The following TENM2 variants were observed in gnomAD, a reference collection of about 807,000 sequenced individuals.
TENM2 encodes teneurin-2.
In TENM2, 52 loss-of-function variants were observed where a neutral mutation model predicts 245.2. The ratio of observed to expected loss-of-function variants is 0.21; its 90% confidence interval spans 0.17 to 0.27. TENM2 has a LOEUF of 0.27. Among genes scored for constraint, TENM2 ranks in the 10% least tolerant of loss-of-function variants. The pLI, the probability that TENM2 is intolerant of heterozygous loss-of-function variation, is 1.00. For missense variants in TENM2, 3,046 were observed against 3,666.8 expected (o/e 0.83, Z 4.37); for synonymous variants, 1,363 against 1,438.9 (o/e 0.95, Z 1.19).
the TENM2 span, among the ~76,000 whole-genome samples, chr5:167,221,783 T>C: frequency 6.6e-6 from 1 of 152,214 alleles, no homozygotes; most frequent in Non-Finnish European, 1.5e-5. Context: ...AATCTTCTGC[T>C]TTATAACTTA....
the TENM2 span, among the ~76,000 whole-genome samples, chr5:167,162,360 G>T: frequency 1.3e-5 from 2 of 152,108 alleles, no homozygotes; most frequent in African/African-American, 4.8e-5. Context: ...GGGCATGGTG[G>T]CTCAGGCCTG....
intron 2 of TENM2, among the ~76,000 whole-genome samples, chr5:167,437,357 T>C (rs1239624348): frequency 1.3e-5 from 2 of 152,186 alleles, no homozygotes; most frequent in African/African-American, 2.4e-5. Context: ...ATGTCTTCCA[T>C]TTGGAATGGC....
chr5:167,732,197 A>G (rs771255742), intron 2 of TENM2, among the ~76,000 whole-genome samples: 1 of 152,172 alleles, frequency 6.6e-6, no homozygotes, highest in African/African-American at 2.4e-5. Flanking sequence ...TTTCCATCCA[A>G]TGGTCATTAC....
the TENM2 span, among the ~76,000 whole-genome samples, chr5:167,242,049 T>G: frequency 1.3e-5 from 2 of 149,372 alleles, no homozygotes; most frequent in African/African-American, 2.5e-5. Context: ...GTTTTTTGTT[T>G]TTTTTTTTTT....
At chr5:167,373,182 G>GAAC (rs1760542929) in intron 1 of TENM2, among the ~76,000 whole-genome samples, 1 of 152,184 alleles carries the variant, frequency 6.6e-6, no homozygotes, top group African/African-American at 2.4e-5. Context: ...AACCAAATTA[G>GAAC]GCTGGGAAAG....
At chr5:168,118,517 A>G (rs1795252319) in intron 10 of TENM2, 31 bp downstream of exon 12, 1 of 1,471,066 alleles carries the variant, frequency 6.8e-7, no homozygotes, top group Admixed American at 2.0e-5. Context: ...GCTAGGCAGC[A>G]GTGGAGGGAG....
intron 5 of TENM2, among the ~76,000 whole-genome samples, chr5:168,006,962 G>C (rs1412361448): frequency 6.6e-6 from 1 of 152,082 alleles, no homozygotes; most frequent in African/African-American, 2.4e-5. Flanking sequence ...TCGTGGTTAC[G>C]GCTGTTTTAT....
intron 2 of TENM2, among the ~76,000 whole-genome samples, chr5:167,616,922 G>T (rs1031099561): frequency 3.9e-5 from 6 of 151,978 alleles, no homozygotes; most frequent in African/African-American, 1.4e-4. Flanking sequence ...TCTGTAGGGA[G>T]GCCTTCCATG....
chr5:167,411,839 A>G (rs1227034216), intron 2 of TENM2, among the ~76,000 whole-genome samples: 1 of 151,270 alleles, frequency 6.6e-6, no homozygotes, highest in Admixed American at 6.7e-5. Context: ...TAACTTTTCC[A>G]TCTTTCAATT....
intron 2 of TENM2, among the ~76,000 whole-genome samples, chr5:167,549,754 TG>T (rs1376534873): frequency 1.3e-5 from 2 of 152,092 alleles, no homozygotes; most frequent in Non-Finnish European, 1.5e-5. Context: ...AGCTGTTTTT[TG>T]TTTTTTTTTT....
At chr5:168,033,110 A>G (rs1233689184) in intron 5 of TENM2, 2 of 152,232 alleles carry the variant, frequency 1.3e-5, no homozygotes, top group Admixed American at 6.5e-5. Flanking sequence ...TCTTGCATGT[A>G]TAACAACTCA....
chr5:168,035,181 T>A (rs996090909), intron 5 of TENM2, among the ~76,000 whole-genome samples: 2 of 152,256 alleles, frequency 1.3e-5, no homozygotes, highest in Non-Finnish European at 2.9e-5. Flanking sequence ...AAAATTTTTT[T>A]ACTTATTTCA....
chr5:167,066,807 T>A, the TENM2 span, among the ~76,000 whole-genome samples: 2 of 152,134 alleles, frequency 1.3e-5, no homozygotes, highest in Non-Finnish European at 2.9e-5. Flanking sequence ...ATTCACAGTT[T>A]CTGGTGAGAC....
At chr5:167,937,444 GA>G (rs1778810700) in intron 3 of TENM2, among the ~76,000 whole-genome samples, 1 of 152,172 alleles carries the variant, frequency 6.6e-6, no homozygotes, top group Non-Finnish European at 1.5e-5. Flanking sequence ...GAAACTGGCA[GA>G]CTGTTTTCCA....
At chr5:167,629,524 A>G (rs188284060) in intron 2 of TENM2, among the ~76,000 whole-genome samples, 13 of 152,322 alleles carry the variant, frequency 8.5e-5, no homozygotes, top group Non-Finnish European at 1.5e-4. Flanking sequence ...GTCTCTCTGG[A>G]CCAAAACAGT....
intron 2 of TENM2, among the ~76,000 whole-genome samples, chr5:167,771,392 G>C (rs1421001116): frequency 2.0e-5 from 3 of 152,002 alleles, no homozygotes; most frequent in African/African-American, 7.3e-5. Flanking sequence ...TTTTCCGTTG[G>C]ACTCAGTAGG....
At chr5:167,224,081 C>G in the TENM2 span, among the ~76,000 whole-genome samples, 2 of 152,074 alleles carry the variant, frequency 1.3e-5, no homozygotes, top group Admixed American at 1.3e-4. Flanking sequence ...CTTGTATATT[C>G]TGGATATTCA....
intron 6 of TENM2, among the ~76,000 whole-genome samples, chr5:168,055,259 T>G (rs978544202): frequency 1.3e-5 from 2 of 152,222 alleles, no homozygotes; most frequent in African/African-American, 4.8e-5. Context: ...GAATACCTAC[T>G]GTTATAGTCA....
chr5:168,210,163 CT>C lies in TENM2; in HGVS notation c.3825-1570del, dbSNP rs576357897. 3.8e-3 allele frequency among the ~76,000 whole-genome samples: 584 copies of C among 152,278 alleles called. 5 individuals are homozygous for C. The highest frequency in any genetic ancestry group is 0.013 in the African/African-American group (559 of 41,558). ...TGATGCTGTTATTCTGGTTTGTTGC[CT>C]GCTAAGCACCCAGCCTGCTGTGATC... On this transcript the variant is annotated intron_variant, in intron 19 of 28. Transcript: ENST00000518659.
Sources: allele counts gnomAD v4.1 joint callset (sites outside exome capture counted in the v4.1 genomes callset), GRCh38; gene constraint gnomAD v4.1.1; transcripts MANE v1.5; gene names NCBI Gene and HGNC (gene_info 2026-07-23, HGNC 2026-07-21).